ZNF648: variants seen among roughly 807,000 people sequenced by gnomAD.
ZNF648 encodes the protein zinc finger protein 648.
ZNF648 carries 1 observed loss-of-function variant against 0.3 expected under a neutral mutation model. That is an observed-to-expected ratio of 3.90 (90% CI 1.39 to 18.51). ZNF648 has a LOEUF of 18.51. ZNF648 is among the 30% of genes most tolerant of loss of function. ZNF648 has a pLI of 0.11. For missense variants in ZNF648, 874 were observed against 769.7 expected, an observed-to-expected ratio of 1.14 and a Z score of -1.60; for synonymous variants, 376 against 326.8, an observed-to-expected ratio of 1.15 and a Z score of -1.62.
chr1:182,056,577 G>A lies in ZNF648; in HGVS notation c.1434C>T (p.Cys478=). 1 of 1,614,052 alleles carries A rather than the reference G, an allele frequency of 6.2e-7. No homozygotes were observed. The highest frequency in any genetic ancestry group is 8.5e-7 in the Non-Finnish European group (1 of 1,179,974). Reference sequence around the variant, plus strand: ...GGGCAAAGGCCTGGCCACACTGCGTGCAAGGAAAGGGCCTCTCGCCAGTGT... The same window carrying A: ...GGGCAAAGGCCTGGCCACACTGCGTACAAGGAAAGGGCCTCTCGCCAGTGT... ...RIHTGERPFP[C]TQCGQAFARS... is the part of the protein sequence containing the mutation. Residue 478 remains cysteine, a synonymous_variant, in exon 2 of 2, where the codon TGC becomes TGT. Coordinates refer to ENST00000339948, the MANE Select transcript of ZNF648 (RefSeq NM_001009992.1).
chr1:182,067,250 C>T, the ZNF648 span, among the ~76,000 whole-genome samples: 1 of 152,336 alleles, frequency 6.6e-6, no homozygotes, highest in Non-Finnish European at 1.5e-5. Context: ...AGCATACAGG[C>T]TCTGACATCA....
Position 182,057,762 on chromosome 1 carries a change from G to A in ZNF648, c.249C>T (p.Asp83=), listed in dbSNP as rs771529229. The stretch of plus-strand genomic sequence containing the variant: ...GCCCCATGCCCCCAGCACTGGAGGA[G>A]TCAGAGAATTTCTCTTCCTCTTTGC... ...PLGKEEEKFS[D]SSSAGGMGQK... The change falls in exon 2 of 2, where the codon GAC becomes GAT. Residue 83 remains aspartate (D), a synonymous_variant. Transcript: ENST00000339948. The A allele has an allele frequency of 7.4e-6, 12 of 1,614,120 alleles. No homozygotes were observed. Among genetic ancestry groups the A allele is most frequent in the South Asian group, 2.2e-5 (2 of 91,090 alleles).
At position 182,056,463 on chromosome 1, in the gene ZNF648, G is replaced by C; in HGVS notation, c.1548C>G (p.Ala516=). ...TTCGTATGTGCTGGGCCAACTCAGA[G>C]GCAATGCGGAAGGCCCTGCCGCACT... is the stretch of plus-strand genomic sequence containing the variant. ...CAECGRAFRI[A]SELAQHIRMH... is the part of the protein sequence containing the mutation. The change falls in exon 2 of 2, where the codon GCC becomes GCG. Residue 516 remains alanine (A), a synonymous_variant. Transcript: ENST00000339948. The C allele has an allele frequency of 1.2e-6, 2 of 1,614,004 alleles. No homozygotes were observed. Among genetic ancestry groups the C allele is most frequent in the South Asian group, 1.1e-5 (1 of 91,010 alleles).
intron 1 of ZNF648, among the ~76,000 whole-genome samples, chr1:182,059,718 T>A (rs1434909800): frequency 1.3e-5 from 2 of 150,044 alleles, no homozygotes; most frequent in African/African-American, 5.0e-5. Context: ...TACAAAAAAA[T>A]TAGCTGGGCA....
At chr1:182,066,713 G>C in the ZNF648 span, among the ~76,000 whole-genome samples, 1 of 152,142 alleles carries the variant, frequency 6.6e-6, no homozygotes, top group Admixed American at 6.5e-5. Flanking sequence ...CATAAAATGG[G>C]AATAAGAATA....
chr1:182,066,580 C>A (rs1276409450), upstream of ZNF648, among the ~76,000 whole-genome samples: 1 of 152,210 alleles, frequency 6.6e-6, no homozygotes, highest in Non-Finnish European at 1.5e-5. Context: ...ATGCAGAAAG[C>A]AGAATTGGAC....
the ZNF648 span, among the ~76,000 whole-genome samples, chr1:182,067,970 G>A: frequency 2.0e-5 from 3 of 152,224 alleles, no homozygotes; most frequent in African/African-American, 4.8e-5. Context: ...CCACAAATGA[G>A]ACTTCTGGGA....
chr1:182,054,861 C>G lies in ZNF648; in HGVS notation c.*1443G>C, dbSNP rs1395820339. On this transcript the variant is annotated 3_prime_UTR_variant, in exon 2 of 2. Coordinates refer to ENST00000339948, the MANE Select transcript of ZNF648 (RefSeq NM_001009992.1). ...ACAAGACACAAGACTATCTAGCTAT[C>G]TAGCTATCTAGCTATCTCTCTTACT... 6.6e-6 allele frequency: 1 copy of G among 152,000 alleles called. No individual in the cohort carries two copies. The highest frequency in any genetic ancestry group is 1.5e-5 in the Non-Finnish European group (1 of 68,044). The allele number at this position is 152,000 out of a possible 1,614,324, so 9.4% of individuals were successfully genotyped here. A position where few individuals can be genotyped will look rare whatever the true frequency, so the allele number is the denominator to read the frequency against.
chr1:182,056,411 A>G lies in ZNF648; in HGVS notation c.1600T>C (p.Cys534Arg), dbSNP rs778330291. ...GTGAAGGCCTGGCCGCAGTCCTCAC[A>G]CTGGTAGGGCCTCTCTCCGTTGTGC... Reference protein sequence around the residue: ...RMHNGERPYQCEDCGQAFTRS... With the variant: ...RMHNGERPYQREDCGQAFTRS... The change falls in exon 2 of 2, where the codon TGT becomes CGT. Residue 534 changes from cysteine (C) to arginine (R), a missense_variant. Coordinates refer to ENST00000339948, the MANE Select transcript of ZNF648 (RefSeq NM_001009992.1). 4 of 1,614,156 alleles carry G rather than the reference A, an allele frequency of 2.5e-6. No individual in the cohort carries two copies. Among genetic ancestry groups the G allele is most frequent in the Non-Finnish European group, 3.4e-6 (4 of 1,180,026 alleles).
At chr1:182,059,029 G>A (rs982946763) in intron 1 of ZNF648, among the ~76,000 whole-genome samples, 1 of 152,138 alleles carries the variant, frequency 6.6e-6, no homozygotes, top group Non-Finnish European at 1.5e-5. Flanking sequence ...CACCATCTTG[G>A]CCAGGCTGGT....
At position 182,056,501 on chromosome 1, in the gene ZNF648, A is replaced by T; in HGVS notation, c.1510T>A (p.Phe504Ile). 1 of 1,614,040 alleles carries T rather than the reference A, an allele frequency of 6.2e-7. No individual in the cohort carries two copies. Among genetic ancestry groups the T allele is most frequent in the Non-Finnish European group, 8.5e-7 (1 of 1,179,968 alleles). Residue 504 changes from phenylalanine to isoleucine, a missense_variant, in exon 2 of 2, where the codon TTC (phenylalanine) becomes ATC (isoleucine). By Grantham distance (21) the Phe-to-Ile change is conservative. Coordinates refer to ENST00000339948, the MANE Select transcript of ZNF648 (RefSeq NM_001009992.1). ...HQQIHSGEKGFLCAECGRAFR... is the reference protein window; with the variant it reads ...HQQIHSGEKGILCAECGRAFR... ...GCCCTGCCGCACTCGGCACAGAGGA[A>T]TCCCTTCTCCCCGGAGTGGATCTGT... is the stretch of plus-strand genomic sequence containing the variant.
intron 1 of ZNF648, among the ~76,000 whole-genome samples, chr1:182,059,542 G>A (rs914877240): frequency 3.3e-5 from 5 of 152,102 alleles, no homozygotes; most frequent in South Asian, 2.1e-4. Context: ...CTGGGCACAC[G>A]TTATGAGCCA....
Position 182,057,091 on chromosome 1 carries a change from T to C in ZNF648, c.920A>G (p.Tyr307Cys). The C allele has an allele frequency of 1.2e-6, 2 of 1,600,646 alleles. No individual in the cohort carries two copies. The highest frequency in any genetic ancestry group is 1.7e-6 in the Non-Finnish European group (2 of 1,176,224). The change falls in exon 2 of 2, where the codon TAC (tyrosine) becomes TGC (cysteine). Residue 307 changes from tyrosine (Y) to cysteine (C), a missense_variant. Transcript: ENST00000339948. ...GGCCTTGTCGCAGAAGGAGCACTGG[T>C]AGGGCCGCTCGCCCGTGTGCAGGCG... ...HRRLHTGERP[Y>C]QCSFCDKAYT...
rs1029520225 is a variant in ZNF648 at position 182,054,875 on chromosome 1, A to C, written c.*1429T>G. Reference sequence around the variant, plus strand: ...TATCTAGCTATCTAGCTATCTAGCTATCTCTCTTACTTCTCTTTGGCGCCC... The same window carrying C: ...TATCTAGCTATCTAGCTATCTAGCTCTCTCTCTTACTTCTCTTTGGCGCCC... On this transcript the variant is annotated 3_prime_UTR_variant, in exon 2 of 2. Transcript: ENST00000339948. The C allele has an allele frequency of 6.6e-5, 10 of 152,234 alleles. No homozygotes were observed. Among genetic ancestry groups the C allele is most frequent in the Admixed American group, 5.2e-4 (8 of 15,288 alleles). 9.4% of individuals were successfully genotyped at this position (152,234 alleles called of 1,614,324 possible).
upstream of ZNF648, among the ~76,000 whole-genome samples, chr1:182,062,032 G>T (rs1262238887): frequency 6.6e-6 from 1 of 152,164 alleles, no homozygotes; most frequent in East Asian, 1.9e-4. Context: ...TTTCCCTCCT[G>T]GAAGGCAGAA....
upstream of ZNF648, among the ~76,000 whole-genome samples, chr1:182,062,262 C>A (rs919364675): frequency 3.9e-5 from 6 of 152,192 alleles, no homozygotes; most frequent in African/African-American, 1.4e-4. Flanking sequence ...GGGTCTCTTT[C>A]CACTTTCAGC....
At position 182,055,862 on chromosome 1, in the gene ZNF648, G is replaced by A. The variant is rs746336701; in HGVS notation, c.*442C>T. On this transcript the variant is annotated 3_prime_UTR_variant, in exon 2 of 2. Coordinates refer to ENST00000339948, the MANE Select transcript of ZNF648 (RefSeq NM_001009992.1). This position sits in a 1 kb window ranked among gnomAD's most constrained non-coding sequence, Gnocchi z 4.1. Reference sequence around the variant, plus strand: ...CCTTTATTTATATAAAAACCAAAAAGCATCTTTCTCTAAAGAGGACCAGCC... The same window carrying A: ...CCTTTATTTATATAAAAACCAAAAAACATCTTTCTCTAAAGAGGACCAGCC... 2 of 162,090 alleles carry A rather than the reference G, an allele frequency of 1.2e-5. No individual in the cohort carries two copies. Among genetic ancestry groups the A allele is most frequent in the African/African-American group, 2.4e-5 (1 of 41,564 alleles). The allele number at this position is 162,090 out of a possible 1,614,324, so 10.0% of individuals were successfully genotyped here.
chr1:182,061,015 C>T (rs113134723), intron 1 of ZNF648, among the ~76,000 whole-genome samples: 2,557 of 152,248 alleles, frequency 0.017, 59 homozygotes, highest in African/African-American at 0.053. Context: ...ACTAGCTAAC[C>T]AATCTCCTCT....
chr1:182,069,175 T>TCTGACACAGCTGCGGAGCTC, the ZNF648 span: 3 of 152,252 alleles, frequency 2.0e-5, no homozygotes, highest in African/African-American at 2.4e-5. Flanking sequence ...GAGCCTGGCT[T>TCTGACACAGCTGCGGAGCTC]CTGACACAGC....
Sources: allele counts gnomAD v4.1 joint callset (sites outside exome capture counted in the v4.1 genomes callset), GRCh38; gene constraint gnomAD v4.1.1; non-coding constraint Gnocchi (gnomAD v3.1); transcripts MANE v1.5; gene names NCBI Gene and HGNC (gene_info 2026-07-23, HGNC 2026-07-21).